SLC16A12: variants seen among roughly 807,000 people sequenced by gnomAD.
SLC16A12 encodes the protein monocarboxylate transporter 12.
A neutral mutation model predicts 42.4 loss-of-function variants in SLC16A12; 17 were observed. That is an observed-to-expected ratio of 0.40 (90% confidence interval 0.27 to 0.60). SLC16A12 has a LOEUF of 0.60. Among genes scored for constraint, SLC16A12 ranks in the 20% least tolerant of loss-of-function variants. SLC16A12 has a pLI of 0.42. For missense variants in SLC16A12, 544 were observed against 623.0 expected (o/e 0.87, Z 1.35); for synonymous variants, 224 against 229.4 (o/e 0.98, Z 0.21).
chr10:89,537,165 T>TTTTTA (rs1186991213), upstream of SLC16A12, among the ~76,000 whole-genome samples: 1 of 144,984 alleles, frequency 6.9e-6, no homozygotes. Context: ...TTTTTTTTTT[T>TTTTTA]GGGAAGGAGT....
At chr10:89,442,230 C>A (rs117043243) in intron 4 of SLC16A12, among the ~76,000 whole-genome samples, 2,194 of 152,276 alleles carry the variant, frequency 0.014, 26 homozygotes, top group Non-Finnish European at 0.022. Flanking sequence ...CAGTGGGTGT[C>A]CCACATGTGA....
chr10:89,543,419 G>A (rs1843727078), intron 2 of SLC16A12, among the ~76,000 whole-genome samples: 1 of 152,154 alleles, frequency 6.6e-6, no homozygotes, highest in South Asian at 2.1e-4. Flanking sequence ...TGCTAGCTGG[G>A]TGATTTGGGG....
At chr10:89,477,564 C>CAAAAAAAA (rs34204051) in intron 2 of SLC16A12, among the ~76,000 whole-genome samples, 2 of 49,252 alleles carry the variant, frequency 4.1e-5, no homozygotes, top group Non-Finnish European at 7.6e-5. Flanking sequence ...AACTCTGTCT[C>CAAAAAAAA]AAAAAAAAAA....
intron 2 of SLC16A12, among the ~76,000 whole-genome samples, chr10:89,476,121 T>C (rs1589690904): frequency 6.6e-6 from 1 of 152,184 alleles, no homozygotes; most frequent in Admixed American, 6.5e-5. Context: ...ACTCAGTGCC[T>C]TGTATAACTC....
Position 89,436,085 on chromosome 10 carries a change from T to C in SLC16A12, c.1263A>G (p.Pro421=), listed in dbSNP as rs963893454. The change falls in exon 7 of 8, where the codon CCA becomes CCG. Residue 421 remains proline (P), a synonymous_variant. Coordinates refer to ENST00000371790, the MANE Select transcript of SLC16A12 (RefSeq NM_213606.4). ...CTGCGATGGGTGGGCTCACCAAGTA[T>C]GGCACTGCGTGAAGGAAGTATACCA... ...LGVVYFLHAV[P]YLVSPPIAGR... The C allele has an allele frequency of 3.1e-6, 5 of 1,613,948 alleles. No individual in the cohort carries two copies. Among genetic ancestry groups the C allele is most frequent in the East Asian group, 2.2e-5 (1 of 44,884 alleles).
At chr10:89,530,451 T>A (rs1843527587) in intron 2 of SLC16A12, among the ~76,000 whole-genome samples, 1 of 151,892 alleles carries the variant, frequency 6.6e-6, no homozygotes, top group African/African-American at 2.4e-5. Context: ...GGAGTCTCGC[T>A]CTGTTGCCCA....
chr10:89,541,088 A>ATT (rs545228364), intron 2 of SLC16A12, among the ~76,000 whole-genome samples: 49 of 145,576 alleles, frequency 3.4e-4, no homozygotes, highest in African/African-American at 1.2e-3. Flanking sequence ...CGCCAGGCTA[A>ATT]TTTTTTTTTT....
chr10:89,449,952 T>C (rs1842065866), intron 3 of SLC16A12, among the ~76,000 whole-genome samples: 1 of 152,150 alleles, frequency 6.6e-6, no homozygotes, highest in African/African-American at 2.4e-5. Flanking sequence ...TGGCAAAGGA[T>C]ATGAAGAGAC....
chr10:89,549,484 T>TA (rs1843758930), intron 2 of SLC16A12, among the ~76,000 whole-genome samples: 1 of 152,230 alleles, frequency 6.6e-6, no homozygotes, highest in Non-Finnish European at 1.5e-5. Context: ...GAGAACTACT[T>TA]AGAGTTTCTA....
At chr10:89,442,551 T>C (rs1564569849) in intron 4 of SLC16A12, among the ~76,000 whole-genome samples, 1 of 152,180 alleles carries the variant, frequency 6.6e-6, no homozygotes, top group Non-Finnish European at 1.5e-5. Flanking sequence ...GGTGTGCTGA[T>C]GCAAATGCTG....
chr10:89,453,429 T>A (rs570628462), intron 3 of SLC16A12, among the ~76,000 whole-genome samples: 9 of 152,350 alleles, frequency 5.9e-5, no homozygotes, highest in African/African-American at 1.9e-4. Flanking sequence ...CATAATGACA[T>A]TTTGATCAAC....
chr10:89,480,354 A>C (rs1008076296), intron 2 of SLC16A12, among the ~76,000 whole-genome samples: 7 of 152,212 alleles, frequency 4.6e-5, no homozygotes, highest in Non-Finnish European at 8.8e-5. Flanking sequence ...TGCTGTGTAC[A>C]TTGCAGTGAA....
intron 2 of SLC16A12, among the ~76,000 whole-genome samples, chr10:89,491,339 G>C (rs185351533): frequency 2.4e-4 from 36 of 152,208 alleles, no homozygotes; most frequent in African/African-American, 8.4e-4. Flanking sequence ...TGTGTGCCTA[G>C]AAGGACAAGC....
rs1039536292 is a variant in SLC16A12, at chr10:89,487,976, A to G, written c.-46-25352T>C. ...ATGTGGTGTGTGTGTATATATATAT[A>G]TATATATATATATATATATACACAC... On this transcript the variant is annotated intron_variant, in intron 2 of 7. Transcript: ENST00000371790. Among the ~76,000 whole-genome samples the G allele has an allele frequency of 9.4e-3, 1,259 of 134,240 alleles. 19 individuals are homozygous for G. Among genetic ancestry groups the G allele is most frequent in the African/African-American group, 0.032 (1,186 of 36,686 alleles). 88.1% of individuals were successfully genotyped at this position (134,240 alleles called of 152,430 possible). A position where few individuals can be genotyped will look rare whatever the true frequency, so the allele number is the denominator to read the frequency against.
intron 2 of SLC16A12, among the ~76,000 whole-genome samples, chr10:89,490,579 A>C (rs1395780573): frequency 6.6e-6 from 1 of 152,198 alleles, no homozygotes; most frequent in Non-Finnish European, 1.5e-5. Context: ...AGGAACAATC[A>C]TATGGAAGAG....
At chr10:89,539,881 C>CTTTCT (rs1554834007), upstream of SLC16A12, among the ~76,000 whole-genome samples, 2 of 143,986 alleles carry the variant, frequency 1.4e-5, no homozygotes, top group African/African-American at 2.8e-5. Context: ...TTCTTTCTTT[C>CTTTCT]TTTCTTTCTT....
intron 3 of SLC16A12, among the ~76,000 whole-genome samples, chr10:89,448,386 T>C (rs1842037756): frequency 6.6e-6 from 1 of 151,158 alleles, no homozygotes; most frequent in African/African-American, 2.4e-5. Flanking sequence ...GCAAACCAAA[T>C]CCATCAAAAA....
intron 2 of SLC16A12, among the ~76,000 whole-genome samples, chr10:89,523,030 T>C (rs568983509): frequency 2.0e-5 from 3 of 152,336 alleles, no homozygotes; most frequent in South Asian, 4.1e-4. Context: ...TTTTTCTTCC[T>C]GTTTCAAAGA....
intron 2 of SLC16A12, among the ~76,000 whole-genome samples, chr10:89,529,549 C>CTTTCTTTTTT (rs1843507310): frequency 7.7e-6 from 1 of 129,954 alleles, no homozygotes; most frequent in African/African-American, 2.9e-5. Context: ...CCTTTACAGT[C>CTTTCTTTTTT]TTTTTTTTTT....
Sources: allele counts gnomAD v4.1 joint callset (sites outside exome capture counted in the v4.1 genomes callset), GRCh38; gene constraint gnomAD v4.1.1; transcripts MANE v1.5; gene names NCBI Gene and HGNC (gene_info 2026-07-23, HGNC 2026-07-21).